KIAA2013: variants seen among roughly 807,000 people sequenced by gnomAD.
The protein encoded by KIAA2013 is uncharacterized protein KIAA2013.
KIAA2013 carries 20 observed loss-of-function variants against 39.9 expected under a neutral mutation model. That is an observed-to-expected ratio of 0.50 (90% confidence interval 0.35 to 0.73). KIAA2013 has a LOEUF of 0.73. Among genes scored for constraint, KIAA2013 ranks in the 30% least tolerant of loss-of-function variants. The pLI is 0.01. For missense variants in KIAA2013, 587 were observed against 856.1 expected, an observed-to-expected ratio of 0.69 and a Z score of 3.92; for synonymous variants, 336 against 416.6, an observed-to-expected ratio of 0.81 and a Z score of 2.35.
rs773923415 is a variant in KIAA2013 at position 11,923,099 on chromosome 1, T to C, written c.1424A>G (p.Asp475Gly). Residue 475 changes from aspartate (D) to glycine (G), a missense_variant, in exon 2 of 3, where the codon GAC (aspartate) becomes GGC (glycine). By Grantham distance (94) the Asp-to-Gly change is moderately conservative. Coordinates refer to ENST00000376572, the MANE Select transcript of KIAA2013 (RefSeq NM_138346.3). The surrounding 1 kb of genome is among the most constrained non-coding windows in gnomAD (Gnocchi z 4.6). Reference protein sequence around the residue: ...ENHLQFQADPDVLHNSYALHG... With the variant: ...ENHLQFQADPGVLHNSYALHG... ...CAATGCATAGCTGTTGTGCAGCACG[T>C]CGGGGTCGGCCTGGAACTGGAGGTG... is the stretch of plus-strand genomic sequence containing the variant. The C allele has an allele frequency of 9.3e-6, 15 of 1,610,296 alleles. No homozygotes were observed. In the South Asian group the frequency reaches 1.6e-4, roughly 18 times the overall value.
intron 1 of KIAA2013, among the ~76,000 whole-genome samples, chr1:11,924,521 C>G (rs1004565543): frequency 6.6e-6 from 1 of 152,114 alleles, no homozygotes; most frequent in African/African-American, 2.4e-5. Flanking sequence ...TGCACCCCCC[C>G]ATGCATAGAA....
In KIAA2013 at chr1:11,922,846, G is replaced by A. The variant is rs1312841051; in HGVS notation, c.1677C>T (p.Thr559=). ...GCAGGTCCTGCAGGTGTGTGAGGTC[G>A]GTGGAGATGTAGAGCAGTGGCGTGA... ...QPITPLLYIS[T]DLTHLQDLRH... is the part of the protein sequence containing the mutation. Residue 559 remains threonine (T), a synonymous_variant, in exon 2 of 3, where the codon ACC becomes ACT. Coordinates refer to ENST00000376572, the MANE Select transcript of KIAA2013 (RefSeq NM_138346.3). 25 of 1,612,006 alleles carry A rather than the reference G, an allele frequency of 1.6e-5. No homozygotes were observed. The highest frequency in any genetic ancestry group is 2.2e-5 in the East Asian group (1 of 44,844).
chr1:11,925,573 C>T lies in KIAA2013; in HGVS notation c.665G>A (p.Gly222Glu). The change falls in exon 1 of 3, where the codon GGG becomes GAG. Residue 222 changes from glycine (G) to glutamate (E), a missense_variant. Gly to Glu is a moderately conservative substitution (Grantham distance 98). Transcript: ENST00000376572. The surrounding 1 kb of genome is among the most constrained non-coding windows in gnomAD (Gnocchi z 5.2). ...TERVAALQTVGPTAGPAPKAF... is the reference protein window; with the variant it reads ...TERVAALQTVEPTAGPAPKAF... ...CTTGGGGGCTGGGCCGGCAGTGGGC[C>T]CCACAGTCTGCAGCGCGGCCACGCG... 1.2e-6 allele frequency: 2 copies of T among 1,608,722 alleles called. No individual in the cohort carries two copies. The highest frequency in any genetic ancestry group is 1.1e-5 in the South Asian group (1 of 90,670).
chr1:11,923,250 G>C lies in KIAA2013; in HGVS notation c.1273C>G (p.Gln425Glu), dbSNP rs1569635544. 4 of 1,613,732 alleles carry C rather than the reference G, an allele frequency of 2.5e-6. No homozygotes were observed. The East Asian group carries it at 8.9e-5, about 36-fold the overall frequency. ...GTCAGCCTCCACAGGTCAGAGAGCT[G>C]CAGGATCTGCTGGACGGAGGACAGC... ...GRLSSVQQILQLSDLWRLTLQ... is the reference protein window; with the variant it reads ...GRLSSVQQILELSDLWRLTLQ... Residue 425 changes from glutamine to glutamate, a missense_variant, in exon 2 of 3, where the codon CAG (glutamine) becomes GAG (glutamate). Transcript: ENST00000376572. The surrounding 1 kb of genome is among the most constrained non-coding windows in gnomAD (Gnocchi z 4.6).
Position 11,925,279 on chromosome 1 carries a change from A to G in KIAA2013, c.959T>C (p.Leu320Pro), listed in dbSNP as rs777012939. ...CGCCGCTGGCATGTCCAAGAGCTCC[A>G]GCATTTCCTTCCGTGCCAAGTCCTG... ...ALQDLARKEM[L>P]ELLDMPAAEL... is the part of the protein sequence containing the mutation. Residue 320 changes from leucine to proline, a missense_variant, in exon 1 of 3, where the codon CTG becomes CCG. By Grantham distance (98) the Leu-to-Pro change is moderately conservative. Transcript: ENST00000376572. This position sits in a 1 kb window ranked among gnomAD's most constrained non-coding sequence, Gnocchi z 5.2. The G allele has an allele frequency of 1.2e-6, 2 of 1,612,986 alleles. No individual in the cohort carries two copies. Among genetic ancestry groups the G allele is most frequent in the Non-Finnish European group, 1.7e-6 (2 of 1,179,496 alleles).
At position 11,926,070 on chromosome 1, in the gene KIAA2013, C is replaced by A; in HGVS notation, c.168G>T (p.Glu56Asp). Residue 56 changes from glutamate to aspartate, a missense_variant, in exon 1 of 3, where the codon GAG becomes GAT. By Grantham distance (45) the Glu-to-Asp change is conservative (BLOSUM62 2). Coordinates refer to ENST00000376572, the MANE Select transcript of KIAA2013 (RefSeq NM_138346.3). ...GLHLLPWSRG[E>D]PGAAEPSACL... ...AGGCAGACGGCTCGGCGGCGCCCGG[C>A]TCACCGCGGGACCAGGGCAGCAGGT... 1 of 1,456,876 alleles carries A rather than the reference C, an allele frequency of 6.9e-7. No homozygotes were observed. The allele number at this position is 1,456,876 out of a possible 1,614,324, so 90.2% of individuals were successfully genotyped here. A position where few individuals can be genotyped will look rare whatever the true frequency, so the allele number is the denominator to read the frequency against.
In KIAA2013 at chr1:11,925,281, C is replaced by G; in HGVS notation, c.957G>C (p.Met319Ile). 3.1e-6 allele frequency: 5 copies of G among 1,613,000 alleles called. No individual in the cohort carries two copies. Among genetic ancestry groups the G allele is most frequent in the Non-Finnish European group, 4.2e-6 (5 of 1,179,522 alleles). Residue 319 changes from methionine (M) to isoleucine (I), a missense_variant, in exon 1 of 3, where the codon ATG (methionine) becomes ATC (isoleucine). Coordinates refer to ENST00000376572, the MANE Select transcript of KIAA2013 (RefSeq NM_138346.3). This position sits in a 1 kb window ranked among gnomAD's most constrained non-coding sequence, Gnocchi z 5.2. ...CCGCTGGCATGTCCAAGAGCTCCAG[C>G]ATTTCCTTCCGTGCCAAGTCCTGCA... ...KALQDLARKE[M>I]LELLDMPAAE...
At chr1:11,922,551 C>G in intron 2 of KIAA2013, 85 bp downstream of exon 2, 1 of 1,565,830 alleles carries the variant, frequency 6.4e-7, no homozygotes, top group Non-Finnish European at 8.7e-7. Flanking sequence ...GGCCTCACCC[C>G]CCCTCGCCAG....
rs1645489107 is a variant in KIAA2013 at position 11,923,732 on chromosome 1, A to G, written c.1034-243T>C. Among the ~76,000 whole-genome samples, 1 of 152,150 alleles carries G rather than the reference A, an allele frequency of 6.6e-6. No individual in the cohort carries two copies. Among genetic ancestry groups the G allele is most frequent in the Non-Finnish European group, 1.5e-5 (1 of 68,010 alleles). ...AGCGGGGCCTGGTGCCAGAGCCCAG[A>G]GGAACACAGACTTAGCCAGGACTTG... On this transcript the variant is annotated intron_variant, in intron 1 of 2. Coordinates refer to ENST00000376572, the MANE Select transcript of KIAA2013 (RefSeq NM_138346.3). This position sits in a 1 kb window ranked among gnomAD's most constrained non-coding sequence, Gnocchi z 4.6.
At position 11,923,311 on chromosome 1, in the gene KIAA2013, G is replaced by A. The variant is rs760544637; in HGVS notation, c.1212C>T (p.His404=). 9 of 1,613,414 alleles carry A rather than the reference G, an allele frequency of 5.6e-6. No individual in the cohort carries two copies. The highest frequency in any genetic ancestry group is 5.0e-5 in the Admixed American group (3 of 59,998). The change falls in exon 2 of 3, where the codon CAC becomes CAT. Residue 404 remains histidine (H), a synonymous_variant. Transcript: ENST00000376572. This position sits in a 1 kb window ranked among gnomAD's most constrained non-coding sequence, Gnocchi z 4.6. ...LNYEDHCFSG[H]ATMHAENLWP... is the part of the protein sequence containing the mutation. ...ACAGGTTCTCGGCGTGCATGGTGGC[G>A]TGCCCGCTGAAGCAGTGATCTTCAT...
intron 2 of KIAA2013, 42 bp downstream of exon 2, chr1:11,922,594 A>G (rs775117156): frequency 3.1e-6 from 5 of 1,604,954 alleles, no homozygotes; most frequent in Non-Finnish European, 4.3e-6. Context: ...GGCTGAGAGC[A>G]AGGCCAAGGC....
rs1645500571 is a variant in KIAA2013, at chr1:11,925,497, G to C, written c.741C>G (p.Tyr247Ter). 1 of 1,607,068 alleles carries C rather than the reference G, an allele frequency of 6.2e-7. No individual in the cohort carries two copies. Among genetic ancestry groups the C allele is most frequent in the African/African-American group, 1.3e-5 (1 of 74,810 alleles). Residue 247 changes from tyrosine (Y) to a stop codon, truncating the protein, a stop_gained, in exon 1 of 3, where the codon TAC becomes TAG. Coordinates refer to ENST00000376572, the MANE Select transcript of KIAA2013 (RefSeq NM_138346.3). LOFTEE classifies it high-confidence loss of function. The surrounding 1 kb of genome is among the most constrained non-coding windows in gnomAD (Gnocchi z 5.2). ...EKVGDHQFLL[Y>*]SGRSPPTPTG... The stretch of plus-strand genomic sequence containing the variant: ...TGGGCGTAGGCGGGGACCGGCCTGA[G>C]TAGAGGAGGAACTGATGGTCTCCGA...
Position 11,923,128 on chromosome 1 carries a change from CT to C in KIAA2013, c.1394del (p.Glu465GlyfsTer70). 1 of 1,610,126 alleles carries C rather than the reference CT, an allele frequency of 6.2e-7. No individual in the cohort carries two copies. Among genetic ancestry groups the C allele is most frequent in the Non-Finnish European group, 8.5e-7 (1 of 1,177,186 alleles). ...GGTCGGCCTGGAACTGGAGGTGGTT[CT>C]CTGTGAACTGCAGCCCCCCAAAGCT... is the stretch of plus-strand genomic sequence containing the variant. ...VLSFGGLQFT[E>X]NHLQFQADPD... On this transcript the variant is annotated frameshift_variant, in exon 2 of 3. Coordinates refer to ENST00000376572, the MANE Select transcript of KIAA2013 (RefSeq NM_138346.3). LOFTEE classifies it high-confidence loss of function. The surrounding 1 kb of genome is among the most constrained non-coding windows in gnomAD (Gnocchi z 4.6).
intron 1 of KIAA2013, among the ~76,000 whole-genome samples, chr1:11,924,278 G>A (rs2100721120): frequency 7.0e-6 from 1 of 142,814 alleles, no homozygotes; most frequent in East Asian, 2.4e-4. Flanking sequence ...TTTTAGTAGA[G>A]ACAAGGTTTC....
At position 11,926,174 on chromosome 1, in the gene KIAA2013, G is replaced by A. The variant is rs552116013; in HGVS notation, c.64C>T (p.Leu22Phe). 3,159 of 1,391,016 alleles carry A rather than the reference G, an allele frequency of 2.3e-3. 23 individuals are homozygous for A. The highest frequency in any genetic ancestry group is 0.021 in the African/African-American group (1,404 of 65,812). The allele number at this position is 1,391,016 out of a possible 1,614,324, so 86.2% of individuals were successfully genotyped here. A position where few individuals can be genotyped will look rare whatever the true frequency, so the allele number is the denominator to read the frequency against. ...GLLSSSWARR[L>F]LCLLGLLLLL... ...AGCAGGAGGCCAAGCAGGCAGAGGA[G>A]GCGGCGGGCCCAGCTGCTCGACAGC... The change falls in exon 1 of 3, where the codon CTC (leucine) becomes TTC (phenylalanine). Residue 22 changes from leucine to phenylalanine, a missense_variant. Coordinates refer to ENST00000376572, the MANE Select transcript of KIAA2013 (RefSeq NM_138346.3).
chr1:11,925,902 C>G lies in KIAA2013; in HGVS notation c.336G>C (p.Gly112=), dbSNP rs559527521. 1.2e-4 allele frequency: 182 copies of G among 1,527,250 alleles called. 3 individuals carry two copies. In the African/African-American group the frequency reaches 2.1e-3, roughly 18 times the overall value. The allele number at this position is 1,527,250 out of a possible 1,614,324, so 94.6% of individuals were successfully genotyped here. A position where few individuals can be genotyped will look rare whatever the true frequency, so the allele number is the denominator to read the frequency against. The change falls in exon 1 of 3, where the codon GGG becomes GGC. Residue 112 remains glycine (G), a synonymous_variant. Coordinates refer to ENST00000376572, the MANE Select transcript of KIAA2013 (RefSeq NM_138346.3). The surrounding 1 kb of genome is among the most constrained non-coding windows in gnomAD (Gnocchi z 5.2). ...VAANRLWVTP[G]EREPAVAPDF... ...CCGGCGCCACGGCGGGCTCCCGCTC[C>G]CCGGGAGTCACCCACAGCCGATTGG...
chr1:11,922,492 G>T, intron 2 of KIAA2013, 144 bp downstream of exon 2: 1 of 1,520,256 alleles, frequency 6.6e-7, no homozygotes, highest in Non-Finnish European at 8.8e-7. Flanking sequence ...ACTTGTGCGC[G>T]CTCTCTGGTG....
chr1:11,921,527 TTTA>T (rs1370134486), intron 2 of KIAA2013, among the ~76,000 whole-genome samples: 3 of 151,562 alleles, frequency 2.0e-5, no homozygotes, highest in Admixed American at 6.6e-5. Context: ...TTATTTTTAT[TTTA>T]TTATTATTAT....
chr1:11,922,992 C>T lies in KIAA2013; in HGVS notation c.1531G>A (p.Val511Met), dbSNP rs551971331. 5.1e-5 allele frequency: 83 copies of T among 1,612,946 alleles called. 1 individual carries two copies. In the South Asian group the frequency reaches 7.1e-4, roughly 14 times the overall value. ...TTGACAGGCTGGCCACGGGACTCCACGGACACGTGTAGGTAGGGCTTGCCC... is the reference window on the plus strand; with the variant it reads ...TTGACAGGCTGGCCACGGGACTCCATGGACACGTGTAGGTAGGGCTTGCCC... Reference protein sequence around the residue: ...AEGKPYLHVSVESRGQPVKIY... With the variant: ...AEGKPYLHVSMESRGQPVKIY... The change falls in exon 2 of 3, where the codon GTG (valine) becomes ATG (methionine). Residue 511 changes from valine to methionine, a missense_variant. By Grantham distance (21) the Val-to-Met change is conservative (BLOSUM62 1). Transcript: ENST00000376572.
Sources: gnomAD v4.1 joint callset for allele counts (sites outside exome capture counted in the v4.1 genomes callset) on GRCh38, gnomAD v4.1.1 for gene constraint, Gnocchi (gnomAD v3.1) non-coding constraint, MANE v1.5 for transcripts, NCBI Gene and HGNC (gene_info 2026-07-23, HGNC 2026-07-21) for gene names.